Variants in TARBP1 observed in about 807,000 individuals in gnomAD.
TARBP1 encodes the protein tRNA (guanosine(18)-2'-O)-methyltransferase TARBP1.
Under a neutral mutation model 178.6 loss-of-function variants are expected in TARBP1, and 144 were observed. That is an observed-to-expected ratio of 0.81 (90% CI 0.70 to 0.93). TARBP1 has a LOEUF of 0.93. Among genes scored for constraint, TARBP1 ranks in the 40% least tolerant of loss-of-function variants. The pLI is 0.00. For synonymous variants in TARBP1, 787 were observed against 781.0 expected (o/e 1.01, Z -0.13); for missense variants, 2,067 against 2,011.7 (o/e 1.03, Z -0.53).
intron 12 of TARBP1, among the ~76,000 whole-genome samples, chr1:234,446,221 A>AT (rs1373662618): frequency 6.6e-6 from 1 of 152,184 alleles, no homozygotes; most frequent in African/African-American, 2.4e-5. Flanking sequence ...CTCATCTCTG[A>AT]TGTCTACGGG....
chr1:234,459,993 A>C (rs1283504610), intron 7 of TARBP1, among the ~76,000 whole-genome samples: 1 of 152,228 alleles, frequency 6.6e-6, no homozygotes, highest in Non-Finnish European at 1.5e-5. Context: ...TTTTAAAAAA[A>C]ACTTACTGGC....
chr1:234,448,747 A>G (rs1016031527), intron 10 of TARBP1, among the ~76,000 whole-genome samples, 168 bp from the exon 11 acceptor site: 4 of 152,196 alleles, frequency 2.6e-5, no homozygotes, highest in Admixed American at 6.5e-5. Flanking sequence ...ATTATTATAC[A>G]TATCTATTTC....
chr1:234,447,371 A>G (rs866207145), intron 11 of TARBP1, among the ~76,000 whole-genome samples: 61 of 141,374 alleles, frequency 4.3e-4, no homozygotes, highest in African/African-American at 1.4e-3. Flanking sequence ...AAACCTAAGG[A>G]TTTATTAAAA....
At chr1:234,470,676 T>C (rs1162722568) in intron 3 of TARBP1, among the ~76,000 whole-genome samples, 2 of 146,666 alleles carry the variant, frequency 1.4e-5, no homozygotes, top group African/African-American at 5.1e-5. Context: ...AGTGCAGCAG[T>C]GTGATCTTGG....
At position 234,459,212 on chromosome 1, in the gene TARBP1, A is replaced by C; in HGVS notation, c.1632+18T>G. The C allele has an allele frequency of 6.3e-7, 1 of 1,597,476 alleles. No homozygotes were observed. Among genetic ancestry groups the C allele is most frequent in the Non-Finnish European group, 8.5e-7 (1 of 1,171,092 alleles). On this transcript the variant is annotated intron_variant, in intron 8 of 29. Transcript: ENST00000040877. Reference sequence around the variant, plus strand: ...CTAAGAAAGACTTGTAAATGGAAGTAACAAAAGAAAAACTTACCACATCTA... The same window carrying C: ...CTAAGAAAGACTTGTAAATGGAAGTCACAAAAGAAAAACTTACCACATCTA...
rs1369009839 is a variant in TARBP1 at position 234,391,812 on chromosome 1, TTTA to T, written c.4698-70_4698-68del. 9 of 1,493,042 alleles carry T rather than the reference TTTA, an allele frequency of 6.0e-6. No individual in the cohort carries two copies. The African/African-American group carries it at 1.3e-4, about 21-fold the overall frequency. 92.5% of individuals were successfully genotyped at this position (1,493,042 alleles called of 1,614,324 possible). On this transcript the variant is annotated intron_variant, in intron 29 of 29. Coordinates refer to ENST00000040877, the MANE Select transcript of TARBP1 (RefSeq NM_005646.4). ...AACAATTTTTCTCTTTGATATTCTTTTTATTTTTTGTTTATTCACTTATTTTTC... is the reference window on the plus strand; with the variant it reads ...AACAATTTTTCTCTTTGATATTCTTTTTTTTTGTTTATTCACTTATTTTTC...
At chr1:234,405,390 C>G (rs1348162508) in intron 24 of TARBP1, 1 of 152,552 alleles carries the variant, frequency 6.6e-6, no homozygotes, top group Admixed American at 6.5e-5. Flanking sequence ...TGGGAACCAC[C>G]GTGGGGGCTT....
chr1:234,422,008 A>G (rs1486087407), intron 20 of TARBP1, among the ~76,000 whole-genome samples: 1 of 152,212 alleles, frequency 6.6e-6, no homozygotes, highest in African/African-American at 2.4e-5. Flanking sequence ...AAAATCTCAT[A>G]ATCTCTATAT....
chr1:234,431,295 C>T (rs1184610942), intron 14 of TARBP1, among the ~76,000 whole-genome samples: 1 of 152,188 alleles, frequency 6.6e-6, no homozygotes, highest in Non-Finnish European at 1.5e-5. Context: ...TTTGAGCCAA[C>T]TATCGTCCCT....
intron 6 of TARBP1, among the ~76,000 whole-genome samples, chr1:234,462,466 A>G (rs12123758): frequency 0.034 from 5,231 of 152,256 alleles, 122 homozygotes; most frequent in Non-Finnish European, 0.044. Flanking sequence ...CGAGGTGGGC[A>G]GATCACGAGG....
At chr1:234,464,077 A>G in intron 5 of TARBP1, 143 bp from the exon 6 acceptor site, 1 of 462,624 alleles carries the variant, frequency 2.2e-6, no homozygotes, top group African/African-American at 2.0e-5. Flanking sequence ...CCTGCATTTC[A>G]TTTTTCAGTA....
chr1:234,429,433 T>C lies in TARBP1; in HGVS notation c.2854A>G (p.Lys952Glu). ...TATCTTACCTTGGGAACCAACACTT[T>C]CAAGCAATGGAACACTGGTAAAACT... ...DQVLPVFHCL[K>E]VLVPKLLTSS... Residue 952 changes from lysine (K) to glutamate (E), a missense_variant, in exon 16 of 30, where the codon AAA (lysine) becomes GAA (glutamate). Coordinates refer to ENST00000040877, the MANE Select transcript of TARBP1 (RefSeq NM_005646.4). The C allele has an allele frequency of 2.5e-6, 4 of 1,612,358 alleles. No homozygotes were observed. The highest frequency in any genetic ancestry group is 3.4e-6 in the Non-Finnish European group (4 of 1,179,412).
chr1:234,462,646 A>G (rs1182484217), intron 6 of TARBP1, among the ~76,000 whole-genome samples: 15 of 140,924 alleles, frequency 1.1e-4, no homozygotes, highest in Non-Finnish European at 2.0e-4. Flanking sequence ...CTGAGATCGC[A>G]CCACTGCACT....
Position 234,393,490 on chromosome 1 carries a change from C to A in TARBP1, c.4436-4G>T. On this transcript the variant is annotated splice_region_variant and splice_polypyrimidine_tract_variant and intron_variant, in intron 27 of 29. Transcript: ENST00000040877. ...ACCTCACAGGTCCTGCACAGTCCTG[C>A]ACAGAACACCTGGGATCATTAAGAT... is the stretch of plus-strand genomic sequence containing the variant. 1 of 1,586,934 alleles carries A rather than the reference C, an allele frequency of 6.3e-7. No individual in the cohort carries two copies. Among genetic ancestry groups the A allele is most frequent in the South Asian group, 1.1e-5 (1 of 87,968 alleles).
At chr1:234,392,705 A>C in intron 28 of TARBP1, 153 bp from the exon 29 acceptor site, 5 of 551,946 alleles carry the variant, frequency 9.1e-6, no homozygotes, top group Non-Finnish European at 1.4e-5. Context: ...CCAACATGAC[A>C]TCAATTTCTT....
intron 20 of TARBP1, among the ~76,000 whole-genome samples, chr1:234,422,175 A>C (rs971102204): frequency 6.6e-6 from 1 of 152,148 alleles, no homozygotes; most frequent in African/African-American, 2.4e-5. Flanking sequence ...GACCTCACCA[A>C]GTCACCACCC....
intron 3 of TARBP1, among the ~76,000 whole-genome samples, chr1:234,470,829 T>C (rs1046996235): frequency 2.2e-4 from 33 of 152,228 alleles, no homozygotes; most frequent in African/African-American, 7.5e-4. Flanking sequence ...TTGGCCAGGC[T>C]GGTCTTGAAC....
chr1:234,447,004 A>G, intron 11 of TARBP1, 29 bp from the exon 12 acceptor site: 1 of 1,609,086 alleles, frequency 6.2e-7, no homozygotes, highest in Non-Finnish European at 8.5e-7. Context: ...GCCAAAATCA[A>G]CCATTTCAAA....
In TARBP1 at chr1:234,398,385, T is replaced by C. The variant is rs1467895834; in HGVS notation, c.4240A>G (p.Ile1414Val). 1 of 1,576,832 alleles carries C rather than the reference T, an allele frequency of 6.3e-7. No individual in the cohort carries two copies. The highest frequency in any genetic ancestry group is 2.3e-5 in the East Asian group (1 of 44,334). Residue 1414 changes from isoleucine (I) to valine (V), a missense_variant, in exon 26 of 30, where the codon ATA becomes GTA. Coordinates refer to ENST00000040877, the MANE Select transcript of TARBP1 (RefSeq NM_005646.4). Reference sequence around the variant, plus strand: ...TAAAATGAAAATTATTTTTTACCTATGTCTTGCTGAGACCAGTCACCTGGT... The same window carrying C: ...TAAAATGAAAATTATTTTTTACCTACGTCTTGCTGAGACCAGTCACCTGGT... Reference protein sequence around the residue: ...LKPGDWSQQDIGTNLVEADNQ... With the variant: ...LKPGDWSQQDVGTNLVEADNQ...
Sources: gnomAD v4.1 joint callset for allele counts (sites outside exome capture counted in the v4.1 genomes callset) on GRCh38, gnomAD v4.1.1 for gene constraint, MANE v1.5 for transcripts, NCBI Gene and HGNC (gene_info 2026-07-23, HGNC 2026-07-21) for gene names.